NFATC2: variants seen among roughly 807,000 people sequenced by gnomAD.
The protein encoded by NFATC2 is nuclear factor of activated T cells 2, also known as nuclear factor of activated T-cells, cytoplasmic 2.
A neutral mutation model predicts 87.3 loss-of-function variants in NFATC2; 22 were observed. The ratio of observed to expected loss-of-function variants is 0.25; its 90% CI spans 0.18 to 0.36. NFATC2 has a LOEUF of 0.36. NFATC2 is among the 10% of genes least tolerant of loss of function. The probability of loss-of-function intolerance (pLI) is 1.00; values close to 1 mark genes in which losing one functional copy is unlikely to be tolerated. For missense variants in NFATC2, 1,149 were observed against 1,259.1 expected (o/e 0.91, Z 1.32); for synonymous variants, 565 against 542.2 (o/e 1.04, Z -0.58).
intron 9 of NFATC2, among the ~76,000 whole-genome samples, chr20:51,409,515 G>A (rs1978873906): frequency 6.6e-6 from 1 of 152,218 alleles, no homozygotes; most frequent in Non-Finnish European, 1.5e-5. Context: ...TGAATGAAGA[G>A]GATGTGTTTG....
chr20:51,497,964 T>C (rs1440890309), intron 3 of NFATC2, among the ~76,000 whole-genome samples: 1 of 152,224 alleles, frequency 6.6e-6, no homozygotes, highest in Non-Finnish European at 1.5e-5. Context: ...GGCATACTTC[T>C]TGATTAAAAA....
intron 1 of NFATC2, among the ~76,000 whole-genome samples, chr20:51,554,351 A>G (rs1238289681): frequency 6.6e-6 from 1 of 152,138 alleles, no homozygotes; most frequent in Non-Finnish European, 1.5e-5. Flanking sequence ...CCACCTCACC[A>G]GGAGCTCTGC....
At chr20:51,508,926 C>T (rs1271244663) in intron 3 of NFATC2, among the ~76,000 whole-genome samples, 2 of 152,108 alleles carry the variant, frequency 1.3e-5, no homozygotes, top group Non-Finnish European at 2.9e-5. Flanking sequence ...GCAGAGGGAT[C>T]CTGCTGACAC....
chr20:51,408,470 C>T lies in NFATC2; in HGVS notation c.2723-9740G>A, dbSNP rs561037016. ...CGTAGGTTGCAGTGAGCCGAGATCG[C>T]GCCACTGCACTCCAGCCTGGGGGAC... On this transcript the variant is annotated intron_variant, in intron 9 of 10. Transcript: ENST00000371564. Among the ~76,000 whole-genome samples, 81 of 146,046 alleles carry T rather than the reference C, an allele frequency of 5.5e-4. No individual in the cohort carries two copies. In the South Asian group the frequency reaches 8.0e-3, roughly 14 times the overall value.
rs778534170 is a variant in NFATC2, at chr20:51,432,059, C to T, written c.2722+8G>A. On this transcript the variant is annotated splice_region_variant and intron_variant, in intron 9 of 10. Transcript: ENST00000371564. This position sits in a 1 kb window ranked among gnomAD's most constrained non-coding sequence, Gnocchi z 4.6. ...CTTACAGGCAGTGACAAAACTCAAG[C>T]GTCTTACCATCATCCAAGTAGGTCT... 9.3e-5 allele frequency: 140 copies of T among 1,512,216 alleles called. No individual in the cohort carries two copies. The highest frequency in any genetic ancestry group is 1.2e-4 in the Non-Finnish European group (135 of 1,128,922). 93.7% of individuals were successfully genotyped at this position (1,512,216 alleles called of 1,614,324 possible).
At chr20:51,463,631 C>A (rs1366375095) in intron 5 of NFATC2, among the ~76,000 whole-genome samples, 1 of 152,202 alleles carries the variant, frequency 6.6e-6, no homozygotes, top group Non-Finnish European at 1.5e-5. Context: ...AAGAAGATGG[C>A]TTTAACCCCA....
chr20:51,555,700 G>A (rs1178628737), intron 1 of NFATC2, among the ~76,000 whole-genome samples: 3 of 152,104 alleles, frequency 2.0e-5, no homozygotes, highest in Non-Finnish European at 4.4e-5. Flanking sequence ...TGTTCACTGA[G>A]CATCCCGAGC....
intron 5 of NFATC2, among the ~76,000 whole-genome samples, chr20:51,471,311 G>A (rs2044124909): frequency 6.6e-6 from 1 of 152,132 alleles, no homozygotes; most frequent in South Asian, 2.1e-4. Context: ...GACCTTATCT[G>A]CTCACAATCC....
chr20:51,411,256 C>T (rs1382510750), intron 9 of NFATC2, among the ~76,000 whole-genome samples: 1 of 152,114 alleles, frequency 6.6e-6, no homozygotes, highest in African/African-American at 2.4e-5. Context: ...CCAGGGCCTA[C>T]CCTGGATTCC....
chr20:51,555,005 C>T (rs568679504), intron 1 of NFATC2, among the ~76,000 whole-genome samples: 2 of 152,226 alleles, frequency 1.3e-5, no homozygotes, highest in African/African-American at 2.4e-5. Flanking sequence ...CCCTGGGGCT[C>T]GAGGGAACAC....
At chr20:51,495,677 T>C (rs2075976868) in intron 3 of NFATC2, among the ~76,000 whole-genome samples, 1 of 152,242 alleles carries the variant, frequency 6.6e-6, no homozygotes, top group Non-Finnish European at 1.5e-5. Flanking sequence ...TCACTCCCTC[T>C]TACAAATTCG....
chr20:51,402,322 G>A (rs1168987084), intron 9 of NFATC2, among the ~76,000 whole-genome samples: 5 of 152,084 alleles, frequency 3.3e-5, no homozygotes, highest in African/African-American at 7.2e-5. Flanking sequence ...GCAACCACAC[G>A]GCTTCTAAAG....
At chr20:51,398,760 GA>G (rs1254741986) in intron 9 of NFATC2, 30 bp from the exon 10 acceptor site, 2 of 1,441,332 alleles carry the variant, frequency 1.4e-6, no homozygotes, top group Non-Finnish European at 1.9e-6. Context: ...TCATTTTTGA[GA>G]AGAAAAAAAA....
intron 3 of NFATC2, among the ~76,000 whole-genome samples, chr20:51,508,849 A>C (rs2076227750): frequency 1.3e-5 from 2 of 148,918 alleles, no homozygotes; most frequent in Middle Eastern, 3.5e-3. Flanking sequence ...CCATGCCCCC[A>C]CCCTGGTCCA....
chr20:51,474,770 C>T (rs909346388), intron 4 of NFATC2, among the ~76,000 whole-genome samples: 4 of 152,064 alleles, frequency 2.6e-5, no homozygotes, highest in Admixed American at 6.5e-5. Flanking sequence ...AAAATGTGTG[C>T]AATGGTTCCC....
chr20:51,541,331 G>T (rs924170797), intron 1 of NFATC2, among the ~76,000 whole-genome samples: 1 of 151,986 alleles, frequency 6.6e-6, no homozygotes, highest in African/African-American at 2.4e-5. Flanking sequence ...ACAAGCATTG[G>T]CTGGGCTGGG....
chr20:51,470,559 A>G (rs1417986602), intron 5 of NFATC2, among the ~76,000 whole-genome samples: 5 of 152,224 alleles, frequency 3.3e-5, no homozygotes, highest in Admixed American at 3.3e-4. Flanking sequence ...AGGCATCTCC[A>G]AAGTAAATAA....
chr20:51,466,329 AG>A (rs1354369291), intron 5 of NFATC2, among the ~76,000 whole-genome samples: 5 of 152,162 alleles, frequency 3.3e-5, no homozygotes, highest in Admixed American at 3.3e-4. Flanking sequence ...CTGAGATTCC[AG>A]GCATGAGCCA....
chr20:51,475,720 AC>A, intron 3 of NFATC2, 60 bp from the exon 4 acceptor site: 1 of 1,516,654 alleles, frequency 6.6e-7, no homozygotes, highest in Admixed American at 1.9e-5. Context: ...AATCCAATAA[AC>A]AAAAAAAGAC....
Sources: gnomAD v4.1 joint callset for allele counts (sites outside exome capture counted in the v4.1 genomes callset) on GRCh38, gnomAD v4.1.1 for gene constraint, Gnocchi (gnomAD v3.1) non-coding constraint, MANE v1.5 for transcripts, NCBI Gene and HGNC (gene_info 2026-07-23, HGNC 2026-07-21) for gene names.